Variants in DIDO1 observed in about 807,000 individuals in gnomAD.
DIDO1 encodes the protein death inducer-obliterator 1.
A neutral mutation model predicts 99.4 loss-of-function variants in DIDO1; 16 were observed. The ratio of observed to expected loss-of-function variants is 0.16; its 90% CI spans 0.11 to 0.24. DIDO1 has a LOEUF of 0.24. DIDO1 is among the 10% of genes least tolerant of loss of function. The pLI is 1.00. For missense variants in DIDO1, 2,996 were observed against 3,014.0 expected (o/e 0.99, Z 0.14); for synonymous variants, 1,366 against 1,239.1 (o/e 1.10, Z -2.15).
chr20:62,902,360 C>T (rs2064702254), intron 6 of DIDO1, among the ~76,000 whole-genome samples: 1 of 152,218 alleles, frequency 6.6e-6, no homozygotes, highest in South Asian at 2.1e-4. Flanking sequence ...TATATTCTTT[C>T]TCAGAACAAA....
chr20:62,917,269 G>T (rs6090162), intron 1 of DIDO1, among the ~76,000 whole-genome samples: 28,782 of 151,986 alleles, frequency 0.19, 3,075 homozygotes, highest in East Asian at 0.33. Context: ...GGGATCAAGT[G>T]ATCTACCCAC....
At chr20:62,885,541 T>C (rs907189356) in intron 15 of DIDO1, among the ~76,000 whole-genome samples, 2 of 152,220 alleles carry the variant, frequency 1.3e-5, no homozygotes, top group Admixed American at 6.5e-5. Flanking sequence ...CGTCTGGAGA[T>C]TGGCATCAAA....
chr20:62,881,480 C>A lies in DIDO1; in HGVS notation c.4476G>T (p.Gln1492His). 1 of 1,610,504 alleles carries A rather than the reference C, an allele frequency of 6.2e-7. No individual in the cohort carries two copies. The change falls in exon 16 of 16, where the codon CAG becomes CAT. Residue 1492 changes from glutamine to histidine, a missense_variant. Coordinates refer to ENST00000395343, the MANE Select transcript of DIDO1 (RefSeq NM_001193369.2). This position sits in a 1 kb window ranked among gnomAD's most constrained non-coding sequence, Gnocchi z 8.3. ...TGAGAGCTTCTTCTTGCTCCTCCAG[C>A]TGTCTCTTCTGCTCCTCGATCTGTT... is the stretch of plus-strand genomic sequence containing the variant. Reference protein sequence around the residue: ...LNKQIEEQKRQLEEQEEALRQ... With the variant: ...LNKQIEEQKRHLEEQEEALRQ...
chr20:62,906,736 A>G (rs1318343421), intron 5 of DIDO1, among the ~76,000 whole-genome samples: 2 of 151,988 alleles, frequency 1.3e-5, no homozygotes, highest in Non-Finnish European at 2.9e-5. Flanking sequence ...TCCAAATAAC[A>G]CGGAGTACAA....
rs2064137642 is a variant in DIDO1, at chr20:62,878,085, A to T, written c.*1148T>A. The T allele has an allele frequency of 6.6e-6, 1 of 152,230 alleles. No homozygotes were observed. Among genetic ancestry groups the T allele is most frequent in the African/African-American group, 2.4e-5 (1 of 41,462 alleles). The allele number at this position is 152,230 out of a possible 1,614,324, so 9.4% of individuals were successfully genotyped here. On this transcript the variant is annotated 3_prime_UTR_variant, in exon 16 of 16. Transcript: ENST00000395343. The stretch of plus-strand genomic sequence containing the variant: ...AAAAATCTGTGCTATAAAGTGAAAA[A>T]TCTGTAGTGACGTACAATGGAATAA...
Position 62,879,723 on chromosome 20 carries a change from T to C in DIDO1, c.6233A>G (p.Tyr2078Cys). Residue 2078 changes from tyrosine to cysteine, a missense_variant, in exon 16 of 16, where the codon TAC (tyrosine) becomes TGC (cysteine). Around this residue, in one of 5 missense-constraint regions of DIDO1, gnomAD observed 1,562 missense variants for 1,412.6 expected, o/e 1.11. Transcript: ENST00000395343. This position sits in a 1 kb window ranked among gnomAD's most constrained non-coding sequence, Gnocchi z 6.3. ...ADFREGKGHE[Y>C]RNQTFEGRQR... is the part of the protein sequence containing the mutation. ...CCTCCCTTCGAAAGTCTGGTTTCTG[T>C]ATTCGTGGCCTTTCCCCTCTCGGAA... 6.2e-7 allele frequency: 1 copy of C among 1,611,704 alleles called. No homozygotes were observed. Among genetic ancestry groups the C allele is most frequent in the Non-Finnish European group, 8.5e-7 (1 of 1,179,804 alleles).
chr20:62,879,926 G>A lies in DIDO1; in HGVS notation c.6030C>T (p.His2010=), dbSNP rs1438374111. The A allele has an allele frequency of 5.0e-6, 8 of 1,595,452 alleles. No homozygotes were observed. Among genetic ancestry groups the A allele is most frequent in the Non-Finnish European group, 6.8e-6 (8 of 1,172,808 alleles). ...TCACCTGCGGGGCCTGGCCCTGGAA[G>A]TGAAATCGCGAAGGGGTCTGCTCAT... ...EKNEQTPSRF[H]FQGQAPQVMK... is the part of the protein sequence containing the mutation. The change falls in exon 16 of 16, where the codon CAC becomes CAT. Residue 2010 remains histidine, a synonymous_variant. Transcript: ENST00000395343. This position sits in a 1 kb window ranked among gnomAD's most constrained non-coding sequence, Gnocchi z 6.3.
intron 1 of DIDO1, among the ~76,000 whole-genome samples, chr20:62,926,082 C>A (rs575346531): frequency 1.3e-5 from 2 of 152,234 alleles, no homozygotes; most frequent in Non-Finnish European, 2.9e-5. Context: ...CCGCACTCGC[C>A]CAGGCCAGCC....
In DIDO1 at chr20:62,893,814, G is replaced by A. The variant is rs767665547; in HGVS notation, c.2953C>T (p.Arg985Cys). ...TCCACCATGTGGGTGCTGTCTGGGC[G>A]GGATGCTGCGGAGGCCACGGCTGTG... ...SCTAVASAASRPDSTHMVEAR... is the reference protein window; with the variant it reads ...SCTAVASAASCPDSTHMVEAR... The change falls in exon 12 of 16, where the codon CGC (arginine) becomes TGC (cysteine). Residue 985 changes from arginine to cysteine, a missense_variant. Physicochemically the swap from Arg to Cys is radical, Grantham distance 180 (BLOSUM62 -3). This residue lies in a region of DIDO1 where 898 missense variants were observed against 972.7 expected (regional missense o/e 0.92). Transcript: ENST00000395343. 26 of 1,614,024 alleles carry A rather than the reference G, an allele frequency of 1.6e-5. No individual in the cohort carries two copies. Among genetic ancestry groups the A allele is most frequent in the East Asian group, 6.7e-5 (3 of 44,902 alleles).
At chr20:62,909,086 A>T (rs2064869274) in intron 4 of DIDO1, among the ~76,000 whole-genome samples, 1 of 152,240 alleles carries the variant, frequency 6.6e-6, no homozygotes, top group Admixed American at 6.5e-5. Flanking sequence ...GTGAAGGCAG[A>T]GATGCTTCTA....
At position 62,894,959 on chromosome 20, in the gene DIDO1, G is replaced by A. The variant is rs761708492; in HGVS notation, c.2332-45C>T. ...ACAGAGCTTAGGCCTTGTTTTCTAG[G>A]AGGAAAGCATCGCTTATGCAGCCGT... On this transcript the variant is annotated intron_variant, in intron 9 of 15. Coordinates refer to ENST00000395343, the MANE Select transcript of DIDO1 (RefSeq NM_001193369.2). The surrounding 1 kb of genome is among the most constrained non-coding windows in gnomAD (Gnocchi z 4.4). 1.2e-6 allele frequency: 2 copies of A among 1,603,266 alleles called. No individual in the cohort carries two copies. The highest frequency in any genetic ancestry group is 1.7e-6 in the Non-Finnish European group (2 of 1,172,072).
chr20:62,894,707 C>T lies in DIDO1; in HGVS notation c.2436+103G>A. On this transcript the variant is annotated intron_variant, in intron 10 of 15. Transcript: ENST00000395343. This position sits in a 1 kb window ranked among gnomAD's most constrained non-coding sequence, Gnocchi z 4.4. ...CTGAGGAATGCCACAATGACATACACCTGCTGTAAGCTCAGGTCCTGCCCA... is the reference window on the plus strand; with the variant it reads ...CTGAGGAATGCCACAATGACATACATCTGCTGTAAGCTCAGGTCCTGCCCA... The T allele has an allele frequency of 7.1e-7, 1 of 1,416,796 alleles. No homozygotes were observed. Among genetic ancestry groups the T allele is most frequent in the Non-Finnish European group, 9.5e-7 (1 of 1,047,830 alleles). The allele number at this position is 1,416,796 out of a possible 1,614,324, so 87.8% of individuals were successfully genotyped here. A position where few individuals can be genotyped will look rare whatever the true frequency, so the allele number is the denominator to read the frequency against.
chr20:62,892,739 T>G lies in DIDO1; in HGVS notation c.3255+70A>C, dbSNP rs992421370. On this transcript the variant is annotated intron_variant, in intron 13 of 15. Transcript: ENST00000395343. Reference sequence around the variant, plus strand: ...CCTCATGAATTAAGGGAGAAAGTCATGTGTTTGACTCTAGTTTAGAAACTC... The same window carrying G: ...CCTCATGAATTAAGGGAGAAAGTCAGGTGTTTGACTCTAGTTTAGAAACTC... The G allele has an allele frequency of 2.0e-6, 3 of 1,522,702 alleles. No homozygotes were observed. In the South Asian group the frequency reaches 3.7e-5, roughly 19 times the overall value. The allele number at this position is 1,522,702 out of a possible 1,614,324, so 94.3% of individuals were successfully genotyped here. A position where few individuals can be genotyped will look rare whatever the true frequency, so the allele number is the denominator to read the frequency against.
chr20:62,908,490 A>C (rs769299635), intron 4 of DIDO1, among the ~76,000 whole-genome samples: 1 of 152,184 alleles, frequency 6.6e-6, no homozygotes, highest in Non-Finnish European at 1.5e-5. Context: ...GAGGAAACTC[A>C]CGCACCACAA....
chr20:62,918,655 C>T (rs1452712474), intron 1 of DIDO1, among the ~76,000 whole-genome samples: 1 of 152,228 alleles, frequency 6.6e-6, no homozygotes, highest in Non-Finnish European at 1.5e-5. Context: ...ACCTCACATT[C>T]CCCTGAAACA....
chr20:62,896,343 T>C lies in DIDO1; in HGVS notation c.2104A>G (p.Ile702Val). ...ATCTCCTTCTCAATATGGAGGGCAA[T>C]TTTTCCTACTTCGTTTTCTGTCATG... ...LIMTENEVGK[I>V]ALHIEKEMFN... The change falls in exon 8 of 16, where the codon ATT becomes GTT. Residue 702 changes from isoleucine to valine, a missense_variant. Ile to Val is a conservative substitution (Grantham distance 29, BLOSUM62 3). Transcript: ENST00000395343. The surrounding 1 kb of genome is among the most constrained non-coding windows in gnomAD (Gnocchi z 4.4). 1.2e-6 allele frequency: 2 copies of C among 1,614,080 alleles called. No homozygotes were observed. The highest frequency in any genetic ancestry group is 1.7e-6 in the Non-Finnish European group (2 of 1,180,004).
rs2273084 is a variant in DIDO1, at chr20:62,890,194, T to C, written c.3541+766A>G. 4.1e-4 allele frequency: 400 copies of C among 985,932 alleles called. 4 individuals are homozygous for C. The East Asian group carries it at 0.017, about 43-fold the overall frequency. 61.1% of individuals were successfully genotyped at this position (985,932 alleles called of 1,614,324 possible). On this transcript the variant is annotated intron_variant, in intron 15 of 15. Transcript: ENST00000395343. ...ACACTGTGTGATCCACACACCCGCT[T>C]TGAGAGAACACCAATCCTCTGGGGA...
At chr20:62,889,520 T>A in intron 15 of DIDO1, 2 of 985,440 alleles carry the variant, frequency 2.0e-6, no homozygotes, top group Non-Finnish European at 2.4e-6. Flanking sequence ...TCCACCCCGG[T>A]AGGGAGGTGC....
At chr20:62,901,457 C>G (rs1185377110) in intron 6 of DIDO1, among the ~76,000 whole-genome samples, 2 of 152,214 alleles carry the variant, frequency 1.3e-5, no homozygotes, top group Non-Finnish European at 2.9e-5. Flanking sequence ...GGGAGCAGAG[C>G]TGCTGCTCTT....
Sources: allele counts gnomAD v4.1 joint callset (sites outside exome capture counted in the v4.1 genomes callset), GRCh38; gene constraint gnomAD v4.1.1; regional missense constraint gnomAD v4.1.1; non-coding constraint Gnocchi (gnomAD v3.1); transcripts MANE v1.5; gene names NCBI Gene and HGNC (gene_info 2026-07-23, HGNC 2026-07-21).